USP20: variants seen among roughly 807,000 people sequenced by gnomAD.
USP20 encodes ubiquitin carboxyl-terminal hydrolase 20.
In USP20, 80 loss-of-function variants were observed where a neutral mutation model predicts 124.2. The observed-to-expected ratio is 0.64, with a 90% CI of 0.54 to 0.78. The LOEUF (loss-of-function observed/expected upper bound fraction) is 0.78. Ranked by LOEUF, USP20 falls within the 30% of genes least tolerant of loss-of-function variation. The pLI is 0.00. For missense variants in USP20, 1,043 were observed against 1,244.4 expected (o/e 0.84, Z 2.44); for synonymous variants, 481 against 512.3 (o/e 0.94, Z 0.83).
Position 129,879,589 on chromosome 9 carries a change from T to A in USP20, c.2529T>A (p.Ile843=), listed in dbSNP as rs1564226663. ...KGKDNEPPGP[I]DNSRIAQVKG... is the part of the protein sequence containing the mutation. Reference sequence around the variant, plus strand: ...CTGTTGCAGAGCCCCCCGGGCCCATTGACAACAGCAGGATTGCACAGGTCA... The same window carrying A: ...CTGTTGCAGAGCCCCCCGGGCCCATAGACAACAGCAGGATTGCACAGGTCA... The change falls in exon 24 of 26, where the codon ATT becomes ATA. Residue 843 remains isoleucine, a synonymous_variant. Coordinates refer to ENST00000372429, the MANE Select transcript of USP20 (RefSeq NM_001110303.4). This position sits in a 1 kb window ranked among gnomAD's most constrained non-coding sequence, Gnocchi z 4.2. 2.5e-6 allele frequency: 4 copies of A among 1,613,540 alleles called. No individual in the cohort carries two copies.
chr9:129,854,036 A>G (rs1314834292), intron 3 of USP20, among the ~76,000 whole-genome samples: 1 of 152,188 alleles, frequency 6.6e-6, no homozygotes, highest in East Asian at 1.9e-4. Context: ...CCAGTAAAAG[A>G]GGTAGAAATG....
Position 129,880,188 on chromosome 9 carries a change from C to T in USP20, c.2660C>T (p.Ala887Val), listed in dbSNP as rs1475921044. Residue 887 changes from alanine (A) to valine (V), a missense_variant, in exon 25 of 26, where the codon GCC becomes GTC. Physicochemically the swap from Ala to Val is moderately conservative, Grantham distance 64. Coordinates refer to ENST00000372429, the MANE Select transcript of USP20 (RefSeq NM_001110303.4). The part of the protein sequence containing the change: ...NSLYGGGPEI[A>V]IRQSVAQPLG... ...CTGTATGGAGGTGGCCCCGAGATTGCCATCCGCCAGAGTGTGGCGCAGCCG... is the reference window on the plus strand; with the variant it reads ...CTGTATGGAGGTGGCCCCGAGATTGTCATCCGCCAGAGTGTGGCGCAGCCG... The T allele has an allele frequency of 6.2e-7, 1 of 1,613,866 alleles. No homozygotes were observed. The highest frequency in any genetic ancestry group is 1.1e-5 in the South Asian group (1 of 91,082).
intron 12 of USP20, 131 bp downstream of exon 12, chr9:129,869,133 C>A: frequency 2.8e-6 from 4 of 1,418,166 alleles, no homozygotes; most frequent in Non-Finnish European, 3.8e-6. Context: ...CCCTGAGACA[C>A]CAGTGTGGGA....
In USP20 at chr9:129,878,328, C is replaced by A; in HGVS notation, c.2410-10C>A. The A allele has an allele frequency of 6.4e-7, 1 of 1,572,796 alleles. No individual in the cohort carries two copies. The highest frequency in any genetic ancestry group is 8.6e-7 in the Non-Finnish European group (1 of 1,158,550). ...CCCTCTGTCTCCTCCCGTCCCTGCC[C>A]GCCTGCCAGTTGAACAAGGCCTTCC... On this transcript the variant is annotated splice_polypyrimidine_tract_variant and intron_variant, in intron 22 of 25. Transcript: ENST00000372429.
intron 21 of USP20, 37 bp downstream of exon 21, chr9:129,875,678 C>G (rs1272793695): frequency 1.3e-6 from 2 of 1,598,002 alleles, no homozygotes; most frequent in African/African-American, 2.7e-5. Context: ...TCCGTCCTGT[C>G]CAGGGCCCAG....
chr9:129,876,254 C>A lies in USP20; in HGVS notation c.2409+16C>A. ...CTTCATCAAGGTGCGTGCGGCGAGG[C>A]GGCGCGGGGGCGGCTCTGCCAGCCT... On this transcript the variant is annotated intron_variant, in intron 22 of 25. Transcript: ENST00000372429. 6.3e-7 allele frequency: 1 copy of A among 1,598,942 alleles called. No individual in the cohort carries two copies.
chr9:129,860,823 C>A, intron 6 of USP20, 114 bp from the exon 7 acceptor site: 1 of 1,062,446 alleles, frequency 9.4e-7, no homozygotes, highest in Non-Finnish European at 1.4e-6. Flanking sequence ...ACTGGCTCAG[C>A]CCAGTAGGGC....
At chr9:129,860,190 C>G (rs2033464548) in intron 6 of USP20, among the ~76,000 whole-genome samples, 1 of 152,040 alleles carries the variant, frequency 6.6e-6, no homozygotes, top group Non-Finnish European at 1.5e-5. Flanking sequence ...ATTAGTCAGG[C>G]ATAGTAGCGG....
intron 2 of USP20, among the ~76,000 whole-genome samples, chr9:129,850,736 A>G (rs1353246976): frequency 6.6e-6 from 1 of 151,984 alleles, no homozygotes; most frequent in African/African-American, 2.4e-5. Context: ...GCTTGCCACA[A>G]CTTCCGCCTC....
chr9:129,865,201 C>T (rs913319), intron 9 of USP20, 102 bp from the exon 10 acceptor site: 1,130,598 of 1,244,620 alleles, frequency 0.91, 514,626 homozygotes, highest in East Asian at 1. Flanking sequence ...TGTCAGGAAA[C>T]GCCACACTCT....
intron 10 of USP20, 136 bp from the exon 11 acceptor site, chr9:129,867,869 G>A (rs2033895417): frequency 9.4e-7 from 1 of 1,058,808 alleles, no homozygotes; most frequent in African/African-American, 1.6e-5. Flanking sequence ...CCGCTGTGGG[G>A]GTGAGCAACT....
intron 9 of USP20, among the ~76,000 whole-genome samples, chr9:129,864,504 A>G (rs1045829825): frequency 2.0e-5 from 3 of 148,994 alleles, no homozygotes; most frequent in African/African-American, 7.5e-5. Context: ...GTCTGTGTGC[A>G]GTGGCTCACT....
At chr9:129,840,801 G>A (rs545182423) in intron 1 of USP20, among the ~76,000 whole-genome samples, 16 of 121,498 alleles carry the variant, frequency 1.3e-4, no homozygotes, top group Non-Finnish European at 2.3e-4. Context: ...ATAGGGTCTT[G>A]CTCTTGTCAC....
Position 129,876,201 on chromosome 9 carries a change from C to A in USP20, c.2372C>A (p.Ala791Asp), listed in dbSNP as rs745311962. The A allele has an allele frequency of 1.2e-6, 2 of 1,611,578 alleles. No individual in the cohort carries two copies. The highest frequency in any genetic ancestry group is 2.7e-5 in the African/African-American group (2 of 74,494). ...SICQVEIEAL[A>D]KRRRIEIDTF... ...TGCCAGGTGGAGATCGAGGCACTGG[C>A]CAAGCGCAGGAGGATCGAGATCGAC... is the stretch of plus-strand genomic sequence containing the variant. Residue 791 changes from alanine (A) to aspartate (D), a missense_variant, in exon 22 of 26, where the codon GCC becomes GAC. Coordinates refer to ENST00000372429, the MANE Select transcript of USP20 (RefSeq NM_001110303.4).
In USP20 at chr9:129,869,352, G is replaced by T. The variant is rs771760998; in HGVS notation, c.1319G>T (p.Arg440Leu). 1.2e-6 allele frequency: 2 copies of T among 1,613,700 alleles called. No homozygotes were observed. The highest frequency in any genetic ancestry group is 1.7e-6 in the Non-Finnish European group (2 of 1,180,018). The change falls in exon 13 of 26, where the codon CGC becomes CTC. Residue 440 changes from arginine to leucine, a missense_variant. Arg to Leu is a moderately radical substitution (Grantham distance 102). Coordinates refer to ENST00000372429, the MANE Select transcript of USP20 (RefSeq NM_001110303.4). ...SAGSRRRKEQ[R>L]YRSVISDIFD... ...GGCAGCCGGAGGCGGAAGGAGCAGC[G>T]CTACCGCAGCGTCATCTCAGACATC...
chr9:129,870,399 T>G (rs977252375), intron 14 of USP20, 54 bp from the exon 15 acceptor site: 1 of 1,579,532 alleles, frequency 6.3e-7, no homozygotes, highest in Non-Finnish European at 8.7e-7. Flanking sequence ...TCCCTTCAGC[T>G]CCTGTTCTTG....
At chr9:129,871,411 C>T (rs1443023088) in intron 15 of USP20, among the ~76,000 whole-genome samples, 1 of 152,180 alleles carries the variant, frequency 6.6e-6, no homozygotes, top group Non-Finnish European at 1.5e-5. Context: ...GGCCTTTCTG[C>T]TTATTCGTTC....
intron 5 of USP20, 121 bp from the exon 6 acceptor site, chr9:129,858,346 T>G (rs1177890060): frequency 5.4e-6 from 8 of 1,469,744 alleles, no homozygotes; most frequent in Non-Finnish European, 7.5e-6. Flanking sequence ...AAATTTGAGC[T>G]TCCGGCCTCT....
rs1405496594 is a variant in USP20 at position 129,839,568 on chromosome 9, A to G, written c.-129+4069A>G. Among the ~76,000 whole-genome samples, 2 of 151,720 alleles carry G rather than the reference A, an allele frequency of 1.3e-5. No individual in the cohort carries two copies. The highest frequency in any genetic ancestry group is 3.9e-4 in the East Asian group (2 of 5,154). ...AGAGTAAAGACAGCAGGAGGGAGAG[A>G]AAGGGTGTGCGAGGGCCAGAGGGGA... On this transcript the variant is annotated intron_variant, in intron 1 of 25. Coordinates refer to ENST00000372429, the MANE Select transcript of USP20 (RefSeq NM_001110303.4). The surrounding 1 kb of genome is among the most constrained non-coding windows in gnomAD (Gnocchi z 4.5).
Sources: gnomAD v4.1 joint callset for allele counts (sites outside exome capture counted in the v4.1 genomes callset) on GRCh38, gnomAD v4.1.1 for gene constraint, Gnocchi (gnomAD v3.1) non-coding constraint, MANE v1.5 for transcripts, NCBI Gene and HGNC (gene_info 2026-07-23, HGNC 2026-07-21) for gene names.